The following SIK3 variants were observed in gnomAD, a reference collection of about 807,000 sequenced individuals.
SIK3 encodes serine/threonine-protein kinase SIK3.
A neutral mutation model predicts 144.2 loss-of-function variants in SIK3; 28 were observed. The ratio of observed to expected loss-of-function variants is 0.19; its 90% CI spans 0.14 to 0.27. SIK3 has a LOEUF of 0.27. SIK3 is among the 10% of genes least tolerant of loss of function. SIK3 has a pLI of 1.00. For missense variants in SIK3, 1,319 were observed against 1,776.0 expected (o/e 0.74, Z 4.62); for synonymous variants, 686 against 676.3 (o/e 1.01, Z -0.22).
At chr11:116,893,779 G>C (rs1565418837) in intron 6 of SIK3, 1 of 153,096 alleles carries the variant, frequency 6.5e-6, no homozygotes, top group Non-Finnish European at 1.5e-5. Flanking sequence ...AGGATATGCA[G>C]TTGATCAATA....
intron 1 of SIK3, among the ~76,000 whole-genome samples, chr11:117,063,279 C>T (rs1953880484): frequency 6.6e-6 from 1 of 152,160 alleles, no homozygotes; most frequent in Non-Finnish European, 1.5e-5. Context: ...AAGCTATGAC[C>T]ATAACTACAC....
At chr11:117,066,012 G>A (rs374216457) in intron 1 of SIK3, among the ~76,000 whole-genome samples, 3 of 150,754 alleles carry the variant, frequency 2.0e-5, no homozygotes, top group East Asian at 1.9e-4. Flanking sequence ...TAAAATTCCT[G>A]GTGTCTTATG....
chr11:116,931,835 G>C (rs1305939007), intron 3 of SIK3, among the ~76,000 whole-genome samples: 2 of 152,168 alleles, frequency 1.3e-5, no homozygotes, highest in East Asian at 3.9e-4. Flanking sequence ...CCCTAAGCAG[G>C]TTAATAAGAG....
Position 117,089,042 on chromosome 11 carries a change from G to T in SIK3, c.273+9101C>A, listed in dbSNP as rs1014171180. Among the ~76,000 whole-genome samples the T allele has an allele frequency of 2.6e-5, 4 of 151,924 alleles. No individual in the cohort carries two copies. In the South Asian group the frequency reaches 8.3e-4, roughly 31 times the overall value. On this transcript the variant is annotated intron_variant, in intron 1 of 24. Coordinates refer to ENST00000445177, the MANE Select transcript of SIK3 (RefSeq NM_001366686.3). ...GCTTGGAAATTTCAAGTATGTCAAA[G>T]CACTGTCAGAAAATAAACGGCATCT...
At chr11:117,046,268 G>A (rs74429128) in intron 1 of SIK3, among the ~76,000 whole-genome samples, 10,731 of 152,204 alleles carry the variant, frequency 0.071, 667 homozygotes, top group African/African-American at 0.17. Flanking sequence ...CACAATTAAG[G>A]CTTTATTTAA....
At chr11:116,865,740 T>G (rs1184472848) in intron 15 of SIK3, among the ~76,000 whole-genome samples, 1 of 152,206 alleles carries the variant, frequency 6.6e-6, no homozygotes, top group Non-Finnish European at 1.5e-5. Flanking sequence ...TATACTGTTC[T>G]TTAATCATTT....
In SIK3 at chr11:116,970,110, T is replaced by C. The variant is rs112668794; in HGVS notation, c.274-13046A>G. 9.2e-3 allele frequency among the ~76,000 whole-genome samples: 1,397 copies of C among 152,202 alleles called. 23 individuals carry two copies. The highest frequency in any genetic ancestry group is 0.032 in the African/African-American group (1,331 of 41,540). The stretch of plus-strand genomic sequence containing the variant: ...AGGCAACATAGTGGAATCCTGTCTC[T>C]ACAAAAAAAATTTCAAATTGGTTGG... On this transcript the variant is annotated intron_variant, in intron 1 of 24. Coordinates refer to ENST00000445177, the MANE Select transcript of SIK3 (RefSeq NM_001366686.3).
rs150100167 is a variant in SIK3 at position 116,942,654 on chromosome 11, T to C, written c.454+11390A>G. ...GCAAGAAACAGGAGAGACAGCCATG[T>C]GGATATGTAGGAAAAGAGTAATTCA... On this transcript the variant is annotated intron_variant, in intron 3 of 24. Transcript: ENST00000445177. Among the ~76,000 whole-genome samples, 239 of 152,216 alleles carry C rather than the reference T, an allele frequency of 1.6e-3. 1 individual carries two copies. Among genetic ancestry groups the C allele is most frequent in the African/African-American group, 5.4e-3 (223 of 41,512 alleles).
chr11:117,061,529 G>A (rs1002597472), intron 1 of SIK3, among the ~76,000 whole-genome samples: 9 of 152,208 alleles, frequency 5.9e-5, no homozygotes, highest in South Asian at 2.1e-4. Flanking sequence ...AAGATTAAAC[G>A]AGTTCACAGA....
intron 1 of SIK3, 116 bp downstream of exon 1, chr11:117,098,027 G>A (rs1368448000): frequency 8.9e-7 from 1 of 1,118,810 alleles, no homozygotes; most frequent in Non-Finnish European, 1.1e-6. Context: ...CCCGCCTCCC[G>A]GCCCCCAACG....
intron 1 of SIK3, among the ~76,000 whole-genome samples, chr11:117,027,656 G>A (rs1182067950): frequency 6.6e-6 from 1 of 151,812 alleles, no homozygotes; most frequent in Non-Finnish European, 1.5e-5. Flanking sequence ...TAGTAGAGAT[G>A]GGGTTTCACC....
intron 1 of SIK3, among the ~76,000 whole-genome samples, chr11:116,972,663 T>C (rs1949803606): frequency 6.6e-6 from 1 of 152,088 alleles, no homozygotes; most frequent in Non-Finnish European, 1.5e-5. Flanking sequence ...AATTAAATAT[T>C]CTCTTCAGAA....
intron 6 of SIK3, among the ~76,000 whole-genome samples, chr11:116,894,719 G>T (rs1478776950): frequency 6.6e-6 from 1 of 152,316 alleles, no homozygotes; most frequent in African/African-American, 2.4e-5. Flanking sequence ...AATGAAGTGA[G>T]TTAATGTTTG....
chr11:116,957,111 G>A (rs756500719), intron 1 of SIK3, 47 bp from the exon 2 acceptor site: 11 of 1,039,268 alleles, frequency 1.1e-5, no homozygotes, highest in African/African-American at 4.9e-5. Context: ...ATTAAAAGCA[G>A]TTTACTAAGA....
At chr11:116,997,945 A>G (rs1057401403) in intron 1 of SIK3, among the ~76,000 whole-genome samples, 1 of 152,084 alleles carries the variant, frequency 6.6e-6, no homozygotes, top group African/African-American at 2.4e-5. Context: ...TTGCAGCTTT[A>G]AATTCCTGGG....
chr11:117,050,410 G>A (rs932469536), intron 1 of SIK3, among the ~76,000 whole-genome samples: 6 of 152,142 alleles, frequency 3.9e-5, no homozygotes, highest in African/African-American at 1.2e-4. Flanking sequence ...AATAAGCTGG[G>A]TGTGGTGGCT....
chr11:116,923,793 A>G (rs1447565459), intron 4 of SIK3, among the ~76,000 whole-genome samples: 1 of 152,200 alleles, frequency 6.6e-6, no homozygotes, highest in Non-Finnish European at 1.5e-5. Flanking sequence ...AGCACCCCGG[A>G]GTCTGTAATT....
chr11:116,920,414 A>C (rs1205714348), intron 4 of SIK3, among the ~76,000 whole-genome samples: 9 of 152,096 alleles, frequency 5.9e-5, no homozygotes, highest in Admixed American at 5.9e-4. Context: ...TTCTGCGTGG[A>C]ATGTTTTGAA....
At chr11:116,883,878 G>A (rs1000137504) in intron 6 of SIK3, among the ~76,000 whole-genome samples, 16 of 152,134 alleles carry the variant, frequency 1.1e-4, no homozygotes, top group Non-Finnish European at 1.5e-4. Flanking sequence ...AGGTTGCAGT[G>A]AGCCGAGATT....
Sources: allele counts gnomAD v4.1 joint callset (sites outside exome capture counted in the v4.1 genomes callset), GRCh38; gene constraint gnomAD v4.1.1; transcripts MANE v1.5; gene names NCBI Gene and HGNC (gene_info 2026-07-23, HGNC 2026-07-21).